Variants in PREX1 observed in about 807,000 individuals in gnomAD.
PREX1 encodes the protein phosphatidylinositol 3,4,5-trisphosphate-dependent Rac exchanger 1 protein.
In PREX1, 41 loss-of-function variants were observed where a neutral mutation model predicts 198.3. The observed-to-expected ratio is 0.21, with a 90% CI of 0.16 to 0.27. The LOEUF is 0.27. Ranked by LOEUF, PREX1 falls within the 10% of genes least tolerant of loss-of-function variation. The pLI is 1.00. For missense variants in PREX1, 1,620 were observed against 2,200.7 expected, an observed-to-expected ratio of 0.74 and a Z score of 5.28; for synonymous variants, 843 against 887.2, an observed-to-expected ratio of 0.95 and a Z score of 0.89.
chr20:48,655,419 C>A lies in PREX1; in HGVS notation c.2124-44G>T, dbSNP rs745654955. The A allele has an allele frequency of 4.2e-6, 6 of 1,414,298 alleles. No homozygotes were observed. The African/African-American group carries it at 8.8e-5, about 21-fold the overall frequency. The allele number at this position is 1,414,298 out of a possible 1,614,324, so 87.6% of individuals were successfully genotyped here. ...GCAGGGAAAAAGGCCATGAGGAAAACCAGCATCACTCTCAATAACCCCGGT... is the reference window on the plus strand; with the variant it reads ...GCAGGGAAAAAGGCCATGAGGAAAAACAGCATCACTCTCAATAACCCCGGT... On this transcript the variant is annotated intron_variant, in intron 18 of 39. Coordinates refer to ENST00000371941, the MANE Select transcript of PREX1 (RefSeq NM_020820.4).
intron 3 of PREX1, among the ~76,000 whole-genome samples, chr20:48,742,334 G>A (rs192622359): frequency 2.6e-5 from 4 of 152,292 alleles, no homozygotes; most frequent in African/African-American, 7.2e-5. Flanking sequence ...CTTATTATGT[G>A]CCAGGTTCTA....
intron 1 of PREX1, among the ~76,000 whole-genome samples, chr20:48,777,802 CA>C (rs2090269685): frequency 6.6e-6 from 1 of 152,182 alleles, no homozygotes; most frequent in South Asian, 2.1e-4. Flanking sequence ...GAACTAAGAA[CA>C]ATGCCAAAAA....
intron 3 of PREX1, among the ~76,000 whole-genome samples, chr20:48,735,512 C>G (rs551674107): frequency 2.0e-4 from 31 of 152,310 alleles, no homozygotes; most frequent in African/African-American, 7.2e-4. Flanking sequence ...TCTGGGGGCT[C>G]TGTGTGCATC....
intron 4 of PREX1, among the ~76,000 whole-genome samples, chr20:48,732,149 G>A (rs1237317099): frequency 6.6e-6 from 1 of 152,222 alleles, no homozygotes; most frequent in African/African-American, 2.4e-5. Context: ...GTGCAAACAT[G>A]GAAATGTGAA....
the PREX1 span, among the ~76,000 whole-genome samples, chr20:48,862,577 C>G: frequency 6.6e-6 from 1 of 151,874 alleles, no homozygotes; most frequent in Non-Finnish European, 1.5e-5. Flanking sequence ...CAAGCCACTT[C>G]CCCTCTCCAG....
At chr20:48,817,062 T>G (rs1031430517) in intron 1 of PREX1, among the ~76,000 whole-genome samples, 2 of 152,256 alleles carry the variant, frequency 1.3e-5, no homozygotes, top group Non-Finnish European at 2.9e-5. Flanking sequence ...AAACAGGATG[T>G]GTAACAGCCT....
intron 5 of PREX1, among the ~76,000 whole-genome samples, chr20:48,717,758 C>T (rs572005715): frequency 1.3e-5 from 2 of 152,270 alleles, no homozygotes; most frequent in Admixed American, 1.3e-4. Context: ...TTTAAAAACT[C>T]CTTTCTTCTA....
chr20:48,643,644 T>G (rs1398793581), intron 27 of PREX1, among the ~76,000 whole-genome samples: 1 of 152,088 alleles, frequency 6.6e-6, no homozygotes, highest in Non-Finnish European at 1.5e-5. Context: ...AGACTCTCAT[T>G]CATTTTTATG....
Position 48,827,374 on chromosome 20 carries a change from C to T in PREX1, c.219+268G>A, listed in dbSNP as rs1280172717. Among the ~76,000 whole-genome samples the T allele has an allele frequency of 6.6e-6, 1 of 152,170 alleles. No homozygotes were observed. The highest frequency in any genetic ancestry group is 2.4e-5 in the African/African-American group (1 of 41,442). The stretch of plus-strand genomic sequence containing the variant: ...TTTAAAACTATTTGAAAGGCGGGGA[C>T]GGGGAAGAAAAGACAAAAGGGCAGC... On this transcript the variant is annotated intron_variant, in intron 1 of 39. Transcript: ENST00000371941. This position sits in a 1 kb window ranked among gnomAD's most constrained non-coding sequence, Gnocchi z 4.1.
At chr20:48,728,656 A>G (rs1195724685) in intron 4 of PREX1, among the ~76,000 whole-genome samples, 1 of 152,182 alleles carries the variant, frequency 6.6e-6, no homozygotes, top group East Asian at 1.9e-4. Flanking sequence ...AGCTCTGGGC[A>G]GAGTGCAGGG....
chr20:48,805,223 G>A (rs980426091), intron 1 of PREX1, among the ~76,000 whole-genome samples: 1 of 152,240 alleles, frequency 6.6e-6, no homozygotes, highest in Non-Finnish European at 1.5e-5. Flanking sequence ...GGACAATGGA[G>A]TTTCACATCC....
intron 3 of PREX1, among the ~76,000 whole-genome samples, chr20:48,742,655 TGAG>T (rs1231443938): frequency 6.6e-6 from 1 of 152,102 alleles, no homozygotes; most frequent in Non-Finnish European, 1.5e-5. Flanking sequence ...TGAGGCTACA[TGAG>T]GAGGGTCCCA....
rs1176294441 is a variant in PREX1 at position 48,827,476 on chromosome 20, G to A, written c.219+166C>T. On this transcript the variant is annotated intron_variant, in intron 1 of 39. Transcript: ENST00000371941. The surrounding 1 kb of genome is among the most constrained non-coding windows in gnomAD (Gnocchi z 4.1). ...TGCGCCGGCCAGGGAGGGAGGCGACGCGACAGCTCTGGAGGAGCTCGGATC... is the reference window on the plus strand; with the variant it reads ...TGCGCCGGCCAGGGAGGGAGGCGACACGACAGCTCTGGAGGAGCTCGGATC... Among the ~76,000 whole-genome samples, 1 of 152,184 alleles carries A rather than the reference G, an allele frequency of 6.6e-6. No individual in the cohort carries two copies. Among genetic ancestry groups the A allele is most frequent in the Non-Finnish European group, 1.5e-5 (1 of 68,014 alleles).
rs763145081 is a variant in PREX1, at chr20:48,649,979, T to C, written c.3028+17A>G. On this transcript the variant is annotated intron_variant, in intron 24 of 39. Transcript: ENST00000371941. ...TGCAACATCTGAACACAGTTTCTAA[T>C]AGACACACACAGGTACCTTGCTCCG... 7 of 1,611,946 alleles carry C rather than the reference T, an allele frequency of 4.3e-6. No individual in the cohort carries two copies. Among genetic ancestry groups the C allele is most frequent in the Middle Eastern group, 1.7e-4 (1 of 6,056 alleles).
At chr20:48,842,087 G>T in the PREX1 span, among the ~76,000 whole-genome samples, 5 of 151,954 alleles carry the variant, frequency 3.3e-5, no homozygotes, top group East Asian at 9.6e-4. Context: ...TTGACAGGGG[G>T]CTAATGATTT....
At chr20:48,742,411 A>G (rs1443393351) in intron 3 of PREX1, among the ~76,000 whole-genome samples, 2 of 152,202 alleles carry the variant, frequency 1.3e-5, no homozygotes, top group South Asian at 2.1e-4. Context: ...TACAGATGAG[A>G]AAACTGAGGC....
chr20:48,880,511 G>C, the PREX1 span, among the ~76,000 whole-genome samples: 6 of 152,096 alleles, frequency 3.9e-5, no homozygotes, highest in Admixed American at 3.9e-4. Flanking sequence ...AGTCCACCTC[G>C]TGCTGCAGGA....
intron 5 of PREX1, among the ~76,000 whole-genome samples, chr20:48,713,715 T>C (rs1396281631): frequency 6.7e-6 from 1 of 150,088 alleles, no homozygotes; most frequent in South Asian, 2.1e-4. Context: ...CCAGCCTGAG[T>C]GACAGAACGA....
intron 1 of PREX1, among the ~76,000 whole-genome samples, chr20:48,785,315 T>C (rs978481649): frequency 1.1e-4 from 16 of 151,884 alleles, no homozygotes; most frequent in African/African-American, 3.6e-4. Context: ...CCACAGGAGG[T>C]TTACCAGCAG....
Sources: allele counts gnomAD v4.1 joint callset (sites outside exome capture counted in the v4.1 genomes callset), GRCh38; gene constraint gnomAD v4.1.1; non-coding constraint Gnocchi (gnomAD v3.1); transcripts MANE v1.5; gene names NCBI Gene and HGNC (gene_info 2026-07-23, HGNC 2026-07-21).